The following MED12L variants were observed in gnomAD, a reference collection of about 807,000 sequenced individuals.
The protein encoded by MED12L is mediator complex subunit 12L.
MED12L carries 60 observed loss-of-function variants against 281.3 expected under a neutral mutation model. The ratio of observed to expected loss-of-function variants is 0.21; its 90% CI spans 0.17 to 0.26. MED12L has a LOEUF of 0.26. MED12L is among the 10% of genes least tolerant of loss of function. MED12L has a pLI of 1.00. For missense variants in MED12L, 2,146 were observed against 2,680.9 expected, an observed-to-expected ratio of 0.80 and a Z score of 4.41; for synonymous variants, 974 against 987.2, an observed-to-expected ratio of 0.99 and a Z score of 0.25.
At chr3:151,408,615 C>G (rs574503991) in intron 39 of MED12L, among the ~76,000 whole-genome samples, 1 of 152,200 alleles carries the variant, frequency 6.6e-6, no homozygotes, top group South Asian at 2.1e-4. Context: ...TTCTTATGGC[C>G]AAAACATGTA....
intron 16 of MED12L, among the ~76,000 whole-genome samples, chr3:151,296,845 A>G (rs914409564): frequency 4.6e-5 from 7 of 152,156 alleles, no homozygotes; most frequent in African/African-American, 1.7e-4. Flanking sequence ...ATGTTTTGGA[A>G]TGGTTTTGTT....
At chr3:151,237,389 G>A (rs1281783936) in intron 16 of MED12L, among the ~76,000 whole-genome samples, 4 of 113,992 alleles carry the variant, frequency 3.5e-5, no homozygotes, top group Admixed American at 1.2e-4. Context: ...TACTCTTGTC[G>A]CCCAAGCTGG....
chr3:151,398,272 A>G (rs1715241841), intron 39 of MED12L, among the ~76,000 whole-genome samples: 1 of 152,208 alleles, frequency 6.6e-6, no homozygotes, highest in African/African-American at 2.4e-5. Context: ...TAAATGGGAA[A>G]GGTAAACATA....
chr3:151,385,717 G>A (rs954658211), intron 36 of MED12L, among the ~76,000 whole-genome samples: 24 of 132,498 alleles, frequency 1.8e-4, no homozygotes, highest in Admixed American at 1.1e-3. Context: ...TGTCTCTGGG[G>A]GGGGAAAAAA....
In MED12L at chr3:151,360,564, G is replaced by A. The variant is rs1248835687; in HGVS notation, c.2916G>A (p.Val972=). 1.2e-6 allele frequency: 2 copies of A among 1,612,818 alleles called. No individual in the cohort carries two copies. The highest frequency in any genetic ancestry group is 1.1e-5 in the South Asian group (1 of 91,044). The change falls in exon 21 of 45, where the codon GTG becomes GTA. Residue 972 remains valine (V), a synonymous_variant. Transcript: ENST00000687756. ...TAGCCTACCTCTATGATCTCTATGT[G>A]TCATGTAGCCACCTCAGAAGTAAAT... ...CILAYLYDLY[V]SCSHLRSKFG...
At chr3:151,370,493 A>C (rs2107997279) in intron 26 of MED12L, among the ~76,000 whole-genome samples, 1 of 152,344 alleles carries the variant, frequency 6.6e-6, no homozygotes, top group East Asian at 1.9e-4. Flanking sequence ...TCACCTTAAG[A>C]AAGGATACAC....
intron 16 of MED12L, among the ~76,000 whole-genome samples, chr3:151,267,723 C>T (rs1270757976): frequency 5.3e-5 from 8 of 151,970 alleles, no homozygotes; most frequent in African/African-American, 1.9e-4. Flanking sequence ...CTGTGAATTA[C>T]TGTTTTATGG....
At chr3:151,260,571 G>A (rs559104552) in intron 16 of MED12L, among the ~76,000 whole-genome samples, 8 of 152,040 alleles carry the variant, frequency 5.3e-5, no homozygotes, top group East Asian at 3.9e-4. Context: ...GGTCGGTCTC[G>A]AACTTCTGAA....
At chr3:151,294,124 T>A in intron 16 of MED12L, 1 of 1,148,298 alleles carries the variant, frequency 8.7e-7, no homozygotes, top group Non-Finnish European at 1.3e-6. Flanking sequence ...AAAGAAACAT[T>A]TATTTACACT....
chr3:151,426,256 AGAGAGGAGTCCC>A (rs1177279856), intron 43 of MED12L, among the ~76,000 whole-genome samples: 1 of 152,216 alleles, frequency 6.6e-6, no homozygotes, highest in Non-Finnish European at 1.5e-5. Context: ...CAGGAAGTCT[AGAGAGGAGTCCC>A]GGGAGGATAA....
Position 151,435,102 on chromosome 3 carries a change from C to CTT in MED12L, c.*2301_*2302dup, listed in dbSNP as rs1011993084. ...TTTTTTCTTTTCTTGCAAATGCATT[C>CTT]TTTTGCATTAAGATGGTCACAAGGT... On this transcript the variant is annotated 3_prime_UTR_variant, in exon 45 of 45. Transcript: ENST00000687756. 1 of 77,320 alleles carries CTT rather than the reference C, an allele frequency of 1.3e-5. No individual in the cohort carries two copies. The highest frequency in any genetic ancestry group is 4.8e-5 in the African/African-American group (1 of 20,716). 4.8% of individuals were successfully genotyped at this position (77,320 alleles called of 1,614,324 possible). A position where few individuals can be genotyped will look rare whatever the true frequency, so the allele number is the denominator to read the frequency against.
At chr3:151,376,401 G>A (rs1477354544) in intron 28 of MED12L, among the ~76,000 whole-genome samples, 187 bp downstream of exon 28, 1 of 152,100 alleles carries the variant, frequency 6.6e-6, no homozygotes, top group Non-Finnish European at 1.5e-5. Flanking sequence ...AATTGTATAT[G>A]ATCATCAAAC....
chr3:151,401,605 T>C (rs1335242771), intron 39 of MED12L, among the ~76,000 whole-genome samples: 2 of 152,208 alleles, frequency 1.3e-5, no homozygotes, highest in African/African-American at 2.4e-5. Flanking sequence ...CTTTTGTAAA[T>C]TTCCTGATCA....
chr3:151,182,846 G>T (rs749969466), intron 11 of MED12L, among the ~76,000 whole-genome samples: 4 of 152,156 alleles, frequency 2.6e-5, no homozygotes, highest in African/African-American at 7.2e-5. Context: ...TAGCTTAGGG[G>T]TGAGTTTGGG....
At chr3:151,283,742 C>T (rs1743110459) in intron 16 of MED12L, among the ~76,000 whole-genome samples, 3 of 152,198 alleles carry the variant, frequency 2.0e-5, no homozygotes, top group Admixed American at 6.5e-5. Flanking sequence ...TCTCCAACTC[C>T]GTGCTCTGGT....
rs79795520 is a variant in MED12L, at chr3:151,141,366, A to G, written c.556+13382A>G. ...GAAATGCATTGAAAGAAATTACTGT[A>G]TTTCACTTGAATAAGGAGTGATTTA... On this transcript the variant is annotated intron_variant, in intron 5 of 44. Coordinates refer to ENST00000687756, the MANE Select transcript of MED12L (RefSeq NM_001393769.1). 1.6e-3 allele frequency among the ~76,000 whole-genome samples: 240 copies of G among 152,030 alleles called. 2 individuals carry two copies. In the East Asian group the frequency reaches 0.033, roughly 21 times the overall value.
intron 36 of MED12L, among the ~76,000 whole-genome samples, 154 bp from the exon 37 acceptor site, chr3:151,387,656 G>A (rs1011031478): frequency 6.6e-6 from 1 of 152,142 alleles, no homozygotes; most frequent in African/African-American, 2.4e-5. Flanking sequence ...CTGCTCTCCG[G>A]TGATGTAGCT....
intron 16 of MED12L, among the ~76,000 whole-genome samples, chr3:151,319,468 CGTGTGTGTGTGTGTGTGTGTGTGT>C (rs34335179): frequency 2.1e-5 from 3 of 145,552 alleles, no homozygotes; most frequent in African/African-American, 7.7e-5. Context: ...TGTGTGTGTG[CGTGTGTGTGTGTGTGTGTGTGTGT>C]GTGTGTGTGT....
chr3:151,270,192 C>T, intron 16 of MED12L: 1 of 76,978 alleles, frequency 1.3e-5, no homozygotes, highest in South Asian at 1.9e-4. Flanking sequence ...TGGGAGCAAG[C>T]TGTCGTGTGT....
Sources: gnomAD v4.1 joint callset for allele counts (sites outside exome capture counted in the v4.1 genomes callset) on GRCh38, gnomAD v4.1.1 for gene constraint, MANE v1.5 for transcripts, NCBI Gene and HGNC (gene_info 2026-07-23, HGNC 2026-07-21) for gene names.